Variants in MAMDC2 observed in about 807,000 individuals in gnomAD.
The protein encoded by MAMDC2 is MAM domain containing 2.
In MAMDC2, 57 loss-of-function variants were observed where a neutral mutation model predicts 89.8. That is an observed-to-expected ratio of 0.63 (90% CI 0.51 to 0.79). The LOEUF is 0.79. Ranked by LOEUF, MAMDC2 falls within the 30% of genes least tolerant of loss-of-function variation. The pLI is 0.00. For missense variants in MAMDC2, 800 were observed against 820.6 expected, an observed-to-expected ratio of 0.97 and a Z score of 0.31; for synonymous variants, 313 against 293.4, an observed-to-expected ratio of 1.07 and a Z score of -0.68.
chr9:70,189,222 TC>T (rs1183577882), intron 11 of MAMDC2, among the ~76,000 whole-genome samples: 3 of 152,226 alleles, frequency 2.0e-5, no homozygotes. Flanking sequence ...CTGAAGGACT[TC>T]CTTTAGTAGC....
intron 7 of MAMDC2, among the ~76,000 whole-genome samples, chr9:70,134,556 A>T (rs918269523): frequency 4.0e-5 from 6 of 151,416 alleles, no homozygotes; most frequent in African/African-American, 1.5e-4. Flanking sequence ...GCTTGGGTCC[A>T]CCCCACACCC....
intron 2 of MAMDC2, among the ~76,000 whole-genome samples, chr9:70,106,901 C>T (rs900561205): frequency 7.2e-5 from 11 of 152,108 alleles, no homozygotes; most frequent in East Asian, 1.9e-4. Flanking sequence ...TGTCGGTACT[C>T]GCCACGGATA....
chr9:70,217,865 A>C (rs2033478901), intron 11 of MAMDC2, among the ~76,000 whole-genome samples: 1 of 152,238 alleles, frequency 6.6e-6, no homozygotes, highest in Admixed American at 6.5e-5. Context: ...CATAGGTATT[A>C]ACCCTTATCT....
At chr9:70,138,521 C>T (rs1292771423) in intron 7 of MAMDC2, among the ~76,000 whole-genome samples, 3 of 152,176 alleles carry the variant, frequency 2.0e-5, no homozygotes, top group African/African-American at 7.2e-5. Context: ...TACATTCTCA[C>T]TAACATTGTA....
intron 11 of MAMDC2, among the ~76,000 whole-genome samples, chr9:70,211,476 T>G (rs1358139010): frequency 1.3e-5 from 2 of 152,258 alleles, no homozygotes; most frequent in African/African-American, 4.8e-5. Flanking sequence ...TTCAGCTCCA[T>G]CAAGTCATTT....
At chr9:70,150,311 G>T (rs1401757707) in intron 9 of MAMDC2, among the ~76,000 whole-genome samples, 1 of 152,200 alleles carries the variant, frequency 6.6e-6, no homozygotes, top group Non-Finnish European at 1.5e-5. Flanking sequence ...AGTCTGTCTG[G>T]AAGCTTCATA....
chr9:70,113,679 G>C (rs1430014880), intron 5 of MAMDC2: 5 of 154,604 alleles, frequency 3.2e-5, no homozygotes, highest in African/African-American at 1.2e-4. Context: ...CGAGAAGTCA[G>C]CTTTGAGGAG....
At chr9:70,173,781 G>GGA (rs948324052) in intron 11 of MAMDC2, among the ~76,000 whole-genome samples, 1 of 152,148 alleles carries the variant, frequency 6.6e-6, no homozygotes, top group Admixed American at 6.5e-5. Flanking sequence ...AAAAGGGCAA[G>GGA]GAGAGACACC....
In MAMDC2 at chr9:70,221,403, A is replaced by AGAGAGAGAGAGAGAGAGAGG. The variant is rs1564005264; in HGVS notation, c.1911+2812_1911+2813insAGAGAGAGAGAGAGGGAGAG. Among the ~76,000 whole-genome samples the AGAGAGAGAGAGAGAGAGAGG allele has an allele frequency of 2.4e-5, 3 of 122,954 alleles. No homozygotes were observed. The East Asian group carries it at 7.2e-4, about 30-fold the overall frequency. The allele number at this position is 122,954 out of a possible 152,430, so 80.7% of individuals were successfully genotyped here. On this transcript the variant is annotated intron_variant, in intron 12 of 13. Transcript: ENST00000377182. ...TATAGAGAGAGAGAGAGAGAGAGAGAGAGAGTAACATCAGATAACAAGTGC... is the reference window on the plus strand; with the variant it reads ...TATAGAGAGAGAGAGAGAGAGAGAGAGAGAGAGAGAGAGAGAGAGGGAGAGTAACATCAGATAACAAGTGC...
At chr9:70,162,407 A>G (rs2032003204) in intron 9 of MAMDC2, among the ~76,000 whole-genome samples, 1 of 151,996 alleles carries the variant, frequency 6.6e-6, no homozygotes, top group African/African-American at 2.4e-5. Flanking sequence ...AACCCTGATT[A>G]TTTTAAAACC....
At chr9:70,217,957 C>G (rs1048527570) in intron 11 of MAMDC2, among the ~76,000 whole-genome samples, 1 of 152,140 alleles carries the variant, frequency 6.6e-6, no homozygotes, top group Admixed American at 6.5e-5. Context: ...AGACTTGAAC[C>G]CAGATCTACC....
chr9:70,073,322 G>T (rs968175136), intron 2 of MAMDC2, among the ~76,000 whole-genome samples: 1 of 152,190 alleles, frequency 6.6e-6, no homozygotes, highest in Non-Finnish European at 1.5e-5. Flanking sequence ...TGTACATCTT[G>T]TACCTGAAGA....
intron 2 of MAMDC2, among the ~76,000 whole-genome samples, chr9:70,080,178 G>A (rs981895832): frequency 6.6e-6 from 1 of 152,128 alleles, no homozygotes; most frequent in Non-Finnish European, 1.5e-5. Context: ...TAGATTAATA[G>A]TCTTCCTCTT....
chr9:70,096,554 A>G (rs1028218451), intron 2 of MAMDC2, among the ~76,000 whole-genome samples: 3 of 152,160 alleles, frequency 2.0e-5, no homozygotes, highest in African/African-American at 7.2e-5. Context: ...GAACTTAGTC[A>G]CTGGCTATCC....
rs1180329057 is a variant in MAMDC2, at chr9:70,217,797, A to G, written c.1652-540A>G. The G allele has an allele frequency of 7.4e-6, 5 of 678,126 alleles. No individual in the cohort carries two copies. In the East Asian group the frequency reaches 1.1e-4, roughly 15 times the overall value. 42.0% of individuals were successfully genotyped at this position (678,126 alleles called of 1,614,324 possible). A position where few individuals can be genotyped will look rare whatever the true frequency, so the allele number is the denominator to read the frequency against. ...AAGTAGGACAGGAAACAAATAATGG[A>G]ATATGCATAACATGTGAGCATATGT... is the stretch of plus-strand genomic sequence containing the variant. On this transcript the variant is annotated intron_variant, in intron 11 of 13. Coordinates refer to ENST00000377182, the MANE Select transcript of MAMDC2 (RefSeq NM_153267.5).
chr9:70,136,882 C>CAT (rs2031031871), intron 7 of MAMDC2, among the ~76,000 whole-genome samples: 1 of 152,174 alleles, frequency 6.6e-6, no homozygotes, highest in African/African-American at 2.4e-5. Context: ...GTTCATGTAA[C>CAT]ATCTTGTTCA....
chr9:70,104,756 T>G (rs1412157655), intron 2 of MAMDC2, among the ~76,000 whole-genome samples: 1 of 152,060 alleles, frequency 6.6e-6, no homozygotes, highest in Non-Finnish European at 1.5e-5. Context: ...AGACAGAAAG[T>G]AGATTTGTAG....
intron 2 of MAMDC2, among the ~76,000 whole-genome samples, chr9:70,100,781 G>A (rs1828168556): frequency 1.3e-5 from 2 of 152,176 alleles, no homozygotes; most frequent in South Asian, 4.1e-4. Context: ...AAACGAATGA[G>A]GCCTGTTCTC....
intron 2 of MAMDC2, among the ~76,000 whole-genome samples, chr9:70,097,474 G>A (rs1828059014): frequency 6.6e-6 from 1 of 152,196 alleles, no homozygotes; most frequent in Non-Finnish European, 1.5e-5. Context: ...GACCCTGTGT[G>A]TTGGGATAGC....
Sources: allele counts gnomAD v4.1 joint callset (sites outside exome capture counted in the v4.1 genomes callset), GRCh38; gene constraint gnomAD v4.1.1; transcripts MANE v1.5; gene names NCBI Gene and HGNC (gene_info 2026-07-23, HGNC 2026-07-21).